Variants in CYP7B1 observed in about 807,000 individuals in gnomAD.
CYP7B1 encodes cytochrome P450 family 7 subfamily B member 1, also known as cytochrome P450 7B1.
In CYP7B1, 29 loss-of-function variants were observed where a neutral mutation model predicts 42.7. The ratio of observed to expected loss-of-function variants is 0.68; its 90% CI spans 0.51 to 0.93. The LOEUF (loss-of-function observed/expected upper bound fraction) is 0.93, where lower values mean the gene tolerates loss of function less well. Ranked by LOEUF, CYP7B1 falls within the 40% of genes least tolerant of loss-of-function variation. CYP7B1 has a pLI of 0.00. For missense variants in CYP7B1, 655 were observed against 600.5 expected, an observed-to-expected ratio of 1.09 and a Z score of -0.95; for synonymous variants, 235 against 218.2, an observed-to-expected ratio of 1.08 and a Z score of -0.68.
chr8:64,675,658 C>T (rs1375271420), intron 1 of CYP7B1, among the ~76,000 whole-genome samples: 1 of 151,880 alleles, frequency 6.6e-6, no homozygotes, highest in Non-Finnish European at 1.5e-5. Context: ...ATTAAAAATC[C>T]ACTCTGGGGA....
chr8:64,726,362 T>G (rs1163263229), intron 1 of CYP7B1, among the ~76,000 whole-genome samples: 1 of 152,170 alleles, frequency 6.6e-6, no homozygotes, highest in Admixed American at 6.5e-5. Flanking sequence ...TAAATTCAAT[T>G]TAATAGAAAT....
At chr8:64,777,288 T>C (rs1435074958) in intron 1 of CYP7B1, among the ~76,000 whole-genome samples, 1 of 151,984 alleles carries the variant, frequency 6.6e-6, no homozygotes, top group East Asian at 1.9e-4. Flanking sequence ...ATGAGCACTA[T>C]TTACAGAGCT....
rs35575527 is a variant in CYP7B1 at position 64,695,603 on chromosome 8, CTTTTTTTTTT to C, written c.123-71074_123-71065del. Among the ~76,000 whole-genome samples, 682 of 100,150 alleles carry C rather than the reference CTTTTTTTTTT, an allele frequency of 6.8e-3. 8 individuals carry two copies. The highest frequency in any genetic ancestry group is 0.018 in the African/African-American group (512 of 28,146). The allele number at this position is 100,150 out of a possible 152,430, so 65.7% of individuals were successfully genotyped here. On this transcript the variant is annotated intron_variant, in intron 1 of 5. Coordinates refer to ENST00000310193, the MANE Select transcript of CYP7B1 (RefSeq NM_004820.5). ...CAAAATAAAACATGTTATCAAATTCCTTTTTTTTTTTTTTTTTTTTTTTTTTAAGGAAAAT... is the reference window on the plus strand; with the variant it reads ...CAAAATAAAACATGTTATCAAATTCCTTTTTTTTTTTTTTTTAAGGAAAAT...
In CYP7B1 at chr8:64,591,691, GA is replaced by G. The variant is rs1224101796; in HGVS notation, c.*4950del. On this transcript the variant is annotated 3_prime_UTR_variant, in exon 6 of 6. Transcript: ENST00000310193. ...GAGATGAAGTAAGGAAGTATGCCAG[GA>G]AAGCCAAAACAAGGCAGATAAAAGT... is the stretch of plus-strand genomic sequence containing the variant. Among the ~76,000 whole-genome samples the G allele has an allele frequency of 1.3e-5, 2 of 152,254 alleles. No homozygotes were observed. Among genetic ancestry groups the G allele is most frequent in the Admixed American group, 1.3e-4 (2 of 15,294 alleles).
chr8:64,708,342 CACG>C (rs1361657233), intron 1 of CYP7B1, among the ~76,000 whole-genome samples: 1 of 152,176 alleles, frequency 6.6e-6, no homozygotes, highest in African/African-American at 2.4e-5. Flanking sequence ...ACCTACTCAG[CACG>C]ACATCTTTAT....
At chr8:64,682,537 T>C (rs1347754380) in intron 1 of CYP7B1, among the ~76,000 whole-genome samples, 5 of 152,166 alleles carry the variant, frequency 3.3e-5, no homozygotes, top group Admixed American at 6.5e-5. Context: ...TTGGTGACCT[T>C]TCTTCAAACA....
intron 1 of CYP7B1, among the ~76,000 whole-genome samples, chr8:64,635,933 T>C (rs1008281489): frequency 1.3e-5 from 2 of 152,244 alleles, no homozygotes; most frequent in African/African-American, 4.8e-5. Flanking sequence ...AGTGCTTCTT[T>C]GTATCTATGT....
rs1190562443 is a variant in CYP7B1 at position 64,596,835 on chromosome 8, C to G, written c.1328G>C (p.Gly443Ala). 3.1e-6 allele frequency: 5 copies of G among 1,613,940 alleles called. No homozygotes were observed. Among genetic ancestry groups the G allele is most frequent in the Non-Finnish European group, 4.2e-6 (5 of 1,179,976 alleles). ...KKLKCYLMPF[G>A]TGTSKCPGRF... ...GCCTGGACATTTGCTGGTTCCAGTT[C>G]CAAACGGCATTAGGTAACACTTCAG... Residue 443 changes from glycine (G) to alanine (A), a missense_variant, in exon 6 of 6, where the codon GGA becomes GCA. Gly to Ala is a moderately conservative substitution (Grantham distance 60). Transcript: ENST00000310193.
At chr8:64,781,045 G>C (rs1427171079) in intron 1 of CYP7B1, among the ~76,000 whole-genome samples, 1 of 152,028 alleles carries the variant, frequency 6.6e-6, no homozygotes, top group Non-Finnish European at 1.5e-5. Context: ...TGAATCTATG[G>C]GTAAGGAACA....
chr8:64,625,440 G>A (rs999481616), intron 1 of CYP7B1, among the ~76,000 whole-genome samples: 5 of 152,070 alleles, frequency 3.3e-5, no homozygotes, highest in Admixed American at 6.5e-5. Context: ...GGAGATCTCC[G>A]GGAAACTAAA....
At chr8:64,670,191 T>C (rs1392407035) in intron 1 of CYP7B1, among the ~76,000 whole-genome samples, 1 of 152,204 alleles carries the variant, frequency 6.6e-6, no homozygotes, top group East Asian at 1.9e-4. Flanking sequence ...ACCCATTTCA[T>C]GTGCCTAGCC....
chr8:64,641,228 A>G (rs555819492), intron 1 of CYP7B1, among the ~76,000 whole-genome samples: 1 of 152,322 alleles, frequency 6.6e-6, no homozygotes, highest in South Asian at 2.1e-4. Context: ...GGGTTTTCAA[A>G]TCTTACATCC....
chr8:64,717,674 G>A (rs963317382), intron 1 of CYP7B1, among the ~76,000 whole-genome samples: 18 of 151,910 alleles, frequency 1.2e-4, no homozygotes, highest in Admixed American at 7.2e-4. Flanking sequence ...GCAACATGGC[G>A]TAACTCTGTC....
At chr8:64,792,162 C>G (rs1322395528) in intron 1 of CYP7B1, among the ~76,000 whole-genome samples, 1 of 152,104 alleles carries the variant, frequency 6.6e-6, no homozygotes, top group African/African-American at 2.4e-5. Context: ...GAAAACAAAA[C>G]TTGTAAATGA....
intron 1 of CYP7B1, among the ~76,000 whole-genome samples, chr8:64,639,376 C>T (rs1477684546): frequency 1.3e-5 from 2 of 151,760 alleles, no homozygotes; most frequent in Admixed American, 1.3e-4. Flanking sequence ...GGGAAAGTCC[C>T]CTAAAACTTA....
At chr8:64,666,091 A>T (rs1211723708) in intron 1 of CYP7B1, among the ~76,000 whole-genome samples, 1 of 152,230 alleles carries the variant, frequency 6.6e-6, no homozygotes, top group Non-Finnish European at 1.5e-5. Flanking sequence ...ATTGTTTCTA[A>T]GTATTGGCAC....
At chr8:64,722,216 G>T (rs1412732095) in intron 1 of CYP7B1, among the ~76,000 whole-genome samples, 1 of 152,166 alleles carries the variant, frequency 6.6e-6, no homozygotes, top group African/African-American at 2.4e-5. Context: ...AAAACTCTAT[G>T]TTGGAAGGCC....
At chr8:64,677,438 CAAAAAAAAAAAAA>C (rs148821778) in intron 1 of CYP7B1, among the ~76,000 whole-genome samples, 101 of 87,292 alleles carry the variant, frequency 1.2e-3, no homozygotes, top group Admixed American at 2.3e-3. Context: ...ATTTAGGAGC[CAAAAAAAAAAAAA>C]AAAAAAAAAA....
intron 1 of CYP7B1, among the ~76,000 whole-genome samples, chr8:64,791,485 C>T (rs1270153035): frequency 3.3e-5 from 5 of 151,954 alleles, no homozygotes; most frequent in African/African-American, 9.7e-5. Context: ...GAAATGTCAG[C>T]GTAGGAGAGA....
Sources: allele counts gnomAD v4.1 joint callset (sites outside exome capture counted in the v4.1 genomes callset), GRCh38; gene constraint gnomAD v4.1.1; transcripts MANE v1.5; gene names NCBI Gene and HGNC (gene_info 2026-07-23, HGNC 2026-07-21).